The following TENM4 variants were observed in gnomAD, a reference collection of about 807,000 sequenced individuals.
TENM4 encodes teneurin-4.
In TENM4, 82 loss-of-function variants were observed where a neutral mutation model predicts 243.3. The ratio of observed to expected loss-of-function variants is 0.34; its 90% CI spans 0.28 to 0.40. The LOEUF (loss-of-function observed/expected upper bound fraction) is 0.40, where lower values mean the gene tolerates loss of function less well. TENM4 is among the 10% of genes least tolerant of loss of function. The pLI, the probability that TENM4 is intolerant of heterozygous loss-of-function variation, is 1.00. For missense variants in TENM4, 3,138 were observed against 3,673.3 expected (o/e 0.85, Z 3.77); for synonymous variants, 1,412 against 1,456.3 (o/e 0.97, Z 0.69).
chr11:79,206,434 C>T (rs1242365169), intron 3 of TENM4, among the ~76,000 whole-genome samples: 1 of 152,202 alleles, frequency 6.6e-6, no homozygotes, highest in Admixed American at 6.5e-5. Context: ...GAGGCCCTCC[C>T]TGATTCTCTG....
chr11:78,697,470 A>G (rs1316072031), intron 28 of TENM4, among the ~76,000 whole-genome samples: 1 of 152,224 alleles, frequency 6.6e-6, no homozygotes, highest in Admixed American at 6.5e-5. Context: ...AGTAAAAACC[A>G]GAGGCCAAAT....
chr11:79,111,233 A>T (rs976290536), intron 4 of TENM4, among the ~76,000 whole-genome samples: 1 of 152,170 alleles, frequency 6.6e-6, no homozygotes, highest in Non-Finnish European at 1.5e-5. Context: ...CCAGCCATGT[A>T]AAACTGTGAG....
intron 4 of TENM4, among the ~76,000 whole-genome samples, chr11:79,138,424 T>C (rs1392104838): frequency 2.6e-5 from 3 of 116,064 alleles, no homozygotes; most frequent in Non-Finnish European, 4.8e-5. Flanking sequence ...TATATTATAT[T>C]ATATATAAAT....
chr11:79,142,981 A>G (rs1862318454), intron 4 of TENM4, among the ~76,000 whole-genome samples: 2 of 152,154 alleles, frequency 1.3e-5, no homozygotes, highest in Non-Finnish European at 2.9e-5. Context: ...ATGAGATACC[A>G]TCTCACACCA....
At chr11:78,860,636 G>A (rs1004423881) in intron 10 of TENM4, among the ~76,000 whole-genome samples, 34 of 152,172 alleles carry the variant, frequency 2.2e-4, no homozygotes, top group African/African-American at 6.3e-4. Context: ...GTAGACATTG[G>A]TTTGACCAGG....
rs935613847 is a variant in TENM4 at position 78,672,724 on chromosome 11, A to C, written c.5497-395T>G. 2.6e-5 allele frequency among the ~76,000 whole-genome samples: 4 copies of C among 152,076 alleles called. No individual in the cohort carries two copies. The South Asian group carries it at 8.3e-4, about 31-fold the overall frequency. On this transcript the variant is annotated intron_variant, in intron 30 of 33. Transcript: ENST00000278550. The stretch of plus-strand genomic sequence containing the variant: ...CCAAGTGAGCCCAGAAAATAAACTG[A>C]CCCATCTCTTCCACACCAGACACTG...
intron 1 of TENM4, among the ~76,000 whole-genome samples, chr11:79,325,783 T>C (rs1856965580): frequency 6.6e-6 from 1 of 152,176 alleles, no homozygotes; most frequent in Non-Finnish European, 1.5e-5. Context: ...CAGATCTCTA[T>C]CATGTCTCCA....
At chr11:79,337,119 A>C (rs1038683868) in intron 1 of TENM4, among the ~76,000 whole-genome samples, 17 of 152,254 alleles carry the variant, frequency 1.1e-4, no homozygotes, top group African/African-American at 4.1e-4. Context: ...TTTGTCAGCA[A>C]CTATTGCATC....
chr11:79,247,000 A>AC (rs35317961), intron 2 of TENM4, among the ~76,000 whole-genome samples: 52,880 of 141,214 alleles, frequency 0.37, 10,329 homozygotes, highest in East Asian at 0.69. Context: ...AAAAAAAAAC[A>AC]CCCCCCCACC....
At chr11:79,244,223 T>C (rs1469998108) in intron 2 of TENM4, among the ~76,000 whole-genome samples, 1 of 152,068 alleles carries the variant, frequency 6.6e-6, no homozygotes, top group Non-Finnish European at 1.5e-5. Flanking sequence ...TCGGGGAAAA[T>C]GTTCCAAGAA....
At chr11:79,439,598 C>A (rs912848576) in intron 1 of TENM4, among the ~76,000 whole-genome samples, 1 of 151,512 alleles carries the variant, frequency 6.6e-6, no homozygotes, top group Non-Finnish European at 1.5e-5. Context: ...GAAGGACTCA[C>A]TAGGTGAACC....
intron 1 of TENM4, among the ~76,000 whole-genome samples, chr11:79,390,809 G>A (rs192451312): frequency 2.0e-4 from 30 of 152,340 alleles, no homozygotes; most frequent in South Asian, 1.2e-3. Flanking sequence ...CTCCACTGCT[G>A]AGCCTCAGGT....
At chr11:78,783,120 G>C (rs1373934760) in intron 16 of TENM4, among the ~76,000 whole-genome samples, 1 of 152,166 alleles carries the variant, frequency 6.6e-6, no homozygotes, top group African/African-American at 2.4e-5. Context: ...TGATAGAATT[G>C]ATCCAAAATG....
intron 4 of TENM4, among the ~76,000 whole-genome samples, chr11:79,073,935 A>G (rs989390321): frequency 6.6e-6 from 1 of 151,886 alleles, no homozygotes; most frequent in African/African-American, 2.4e-5. Flanking sequence ...CCTCAGAAGC[A>G]TATGTAAATA....
chr11:79,401,298 G>A (rs774590322), intron 1 of TENM4, among the ~76,000 whole-genome samples: 6 of 152,188 alleles, frequency 3.9e-5, no homozygotes, highest in Admixed American at 6.5e-5. Context: ...CTGCCCTCTC[G>A]GAGCTCACAG....
At chr11:79,264,745 T>C (rs1290114991) in intron 2 of TENM4, among the ~76,000 whole-genome samples, 2 of 152,208 alleles carry the variant, frequency 1.3e-5, no homozygotes, top group African/African-American at 4.8e-5. Flanking sequence ...CATTCCCATT[T>C]CAAACCAATG....
chr11:79,084,864 T>G (rs1860767574), intron 4 of TENM4, among the ~76,000 whole-genome samples: 1 of 152,148 alleles, frequency 6.6e-6, no homozygotes, highest in Admixed American at 6.5e-5. Flanking sequence ...GCACACACAC[T>G]CATTCAGATA....
At chr11:78,773,831 T>C (rs1165961950) in intron 17 of TENM4, among the ~76,000 whole-genome samples, 1 of 152,168 alleles carries the variant, frequency 6.6e-6, no homozygotes, top group Non-Finnish European at 1.5e-5. Context: ...ATACTGAGGG[T>C]CTACTAGGAC....
chr11:79,095,166 C>T (rs1157207661), intron 4 of TENM4, among the ~76,000 whole-genome samples: 1 of 152,132 alleles, frequency 6.6e-6, no homozygotes, highest in Non-Finnish European at 1.5e-5. Context: ...GAAGCTCTGC[C>T]CACAGAAATA....
Sources: gnomAD v4.1 joint callset for allele counts (sites outside exome capture counted in the v4.1 genomes callset) on GRCh38, gnomAD v4.1.1 for gene constraint, MANE v1.5 for transcripts, NCBI Gene and HGNC (gene_info 2026-07-23, HGNC 2026-07-21) for gene names.